The following OR2L13 variants were observed in gnomAD, a reference collection of about 807,000 sequenced individuals.
The protein encoded by OR2L13 is olfactory receptor 2L13.
OR2L13 carries 14 observed loss-of-function variants against 15.3 expected under a neutral mutation model. That is an observed-to-expected ratio of 0.91 (90% confidence interval 0.60 to 1.43). The LOEUF (loss-of-function observed/expected upper bound fraction) is 1.43. Among genes scored for constraint, OR2L13 ranks in the 40% most tolerant of loss-of-function variants. The pLI is 0.00. For synonymous variants in OR2L13, 152 were observed against 142.9 expected, an observed-to-expected ratio of 1.06 and a Z score of -0.45; for missense variants, 367 against 387.9, an observed-to-expected ratio of 0.95 and a Z score of 0.45.
At chr1:247,950,493 T>C in the OR2L13 span, among the ~76,000 whole-genome samples, 8 of 152,310 alleles carry the variant, frequency 5.3e-5, no homozygotes, top group Admixed American at 3.9e-4. Context: ...ACCCATTTTA[T>C]GTTGATTTTG....
the OR2L13 span, among the ~76,000 whole-genome samples, chr1:247,967,385 C>G: frequency 1.7e-4 from 26 of 152,128 alleles, no homozygotes; most frequent in Non-Finnish European, 2.8e-4. Context: ...CCCGCCACCA[C>G]ACCCGGCTAA....
chr1:247,980,227 A>G, the OR2L13 span, among the ~76,000 whole-genome samples: 1 of 152,136 alleles, frequency 6.6e-6, no homozygotes, highest in Non-Finnish European at 1.5e-5. Flanking sequence ...ATCAATTTTA[A>G]TAACAGAAAA....
chr1:248,076,682 A>C, the OR2L13 span, among the ~76,000 whole-genome samples: 2 of 152,150 alleles, frequency 1.3e-5, no homozygotes, highest in Admixed American at 6.5e-5. Context: ...TGATTTTTGC[A>C]CATTGATTTT....
chr1:248,050,340 A>G, the OR2L13 span, among the ~76,000 whole-genome samples: 1 of 152,160 alleles, frequency 6.6e-6, no homozygotes, highest in Non-Finnish European at 1.5e-5. Context: ...TTCTGTTAAT[A>G]CAAAAGTAAA....
chr1:247,970,776 C>T, the OR2L13 span, among the ~76,000 whole-genome samples: 1 of 152,082 alleles, frequency 6.6e-6, no homozygotes, highest in Non-Finnish European at 1.5e-5. Flanking sequence ...TATTCAGATC[C>T]ATTGCAGCCC....
chr1:248,040,809 C>T, the OR2L13 span: 7 of 152,076 alleles, frequency 4.6e-5, no homozygotes, highest in East Asian at 1.4e-3. Flanking sequence ...GGTCAGTGAC[C>T]CTAATTTCCG....
chr1:248,019,244 A>T, the OR2L13 span, among the ~76,000 whole-genome samples: 3 of 152,134 alleles, frequency 2.0e-5, no homozygotes, highest in African/African-American at 7.2e-5. Flanking sequence ...TGATTTTTTG[A>T]CTTTAATATG....
the OR2L13 span, among the ~76,000 whole-genome samples, chr1:248,073,560 G>A: frequency 2.6e-5 from 4 of 151,344 alleles, no homozygotes; most frequent in Non-Finnish European, 4.4e-5. Flanking sequence ...ACACCAGCAT[G>A]GCACATTTAT....
the OR2L13 span, among the ~76,000 whole-genome samples, chr1:248,066,774 G>A: frequency 2.0e-5 from 3 of 152,284 alleles, no homozygotes; most frequent in Non-Finnish European, 4.4e-5. Flanking sequence ...TTTACCACAA[G>A]TAGTGTGTTA....
At chr1:248,045,796 G>A in the OR2L13 span, 1 of 152,292 alleles carries the variant, frequency 6.6e-6, no homozygotes, top group East Asian at 1.9e-4. Flanking sequence ...TTGGCTGGTC[G>A]GAGTGTAGTG....
At chr1:247,999,045 A>C in the OR2L13 span, among the ~76,000 whole-genome samples, 1 of 152,122 alleles carries the variant, frequency 6.6e-6, no homozygotes, top group South Asian at 2.1e-4. Flanking sequence ...TGAAACTTGC[A>C]GCTTCTCTTC....
the OR2L13 span, among the ~76,000 whole-genome samples, chr1:247,959,800 T>C: frequency 0.8 from 121,465 of 152,154 alleles, 52,680 homozygotes; most frequent in South Asian, 0.95. Context: ...CCATCAGGTC[T>C]TTTAAGGACT....
chr1:247,975,640 A>T, the OR2L13 span: 1 of 1,200,568 alleles, frequency 8.3e-7, no homozygotes, highest in Non-Finnish European at 1.2e-6. Flanking sequence ...GAGTCAGAGA[A>T]TCTTCCCTGT....
At chr1:247,979,961 A>C in the OR2L13 span, among the ~76,000 whole-genome samples, 1 of 152,198 alleles carries the variant, frequency 6.6e-6, no homozygotes, top group Admixed American at 6.5e-5. Context: ...CACTTGTATA[A>C]AAACATCAAA....
chr1:247,956,536 G>GGT, the OR2L13 span, among the ~76,000 whole-genome samples: 15 of 150,770 alleles, frequency 9.9e-5, no homozygotes, highest in African/African-American at 2.4e-5. Context: ...ACCTTGGGCA[G>GGT]TATGGCCATT....
chr1:247,997,757 T>A, the OR2L13 span, among the ~76,000 whole-genome samples: 5 of 152,198 alleles, frequency 3.3e-5, no homozygotes, highest in African/African-American at 1.2e-4. Flanking sequence ...TCAGAACTCA[T>A]TTCTGAACGT....
chr1:248,071,079 C>G, the OR2L13 span, among the ~76,000 whole-genome samples: 1 of 152,138 alleles, frequency 6.6e-6, no homozygotes, highest in Non-Finnish European at 1.5e-5. Flanking sequence ...CCTTCTGAAA[C>G]TATTCCAATC....
the OR2L13 span, among the ~76,000 whole-genome samples, chr1:248,074,965 T>C: frequency 2.0e-5 from 3 of 152,198 alleles, no homozygotes; most frequent in African/African-American, 4.8e-5. Flanking sequence ...GTTGGTTTGC[T>C]GCACCCATCA....
the OR2L13 span, among the ~76,000 whole-genome samples, chr1:248,037,718 T>C: frequency 6.6e-6 from 1 of 152,194 alleles, no homozygotes; most frequent in African/African-American, 2.4e-5. Flanking sequence ...CTTACTATTC[T>C]ATAAGTAGTC....
Sources: gnomAD v4.1 joint callset for allele counts (sites outside exome capture counted in the v4.1 genomes callset) on GRCh38, gnomAD v4.1.1 for gene constraint, MANE v1.5 for transcripts, NCBI Gene and HGNC (gene_info 2026-07-23, HGNC 2026-07-21) for gene names.